Variants in PSMD4 observed in about 807,000 individuals in gnomAD.
PSMD4 encodes 26S proteasome non-ATPase regulatory subunit 4.
A neutral mutation model predicts 39.7 loss-of-function variants in PSMD4; 5 were observed. The ratio of observed to expected loss-of-function variants is 0.13; its 90% CI spans 0.07 to 0.26. The LOEUF (loss-of-function observed/expected upper bound fraction) is 0.26, where lower values mean the gene tolerates loss of function less well. PSMD4 is among the 10% of genes least tolerant of loss of function. PSMD4 has a pLI of 1.00. For missense variants in PSMD4, 272 were observed against 486.1 expected, an observed-to-expected ratio of 0.56 and a Z score of 4.14; for synonymous variants, 143 against 174.6, an observed-to-expected ratio of 0.82 and a Z score of 1.43.
At chr1:151,260,660 C>T (rs1402168582) in intron 1 of PSMD4, among the ~76,000 whole-genome samples, 2 of 151,810 alleles carry the variant, frequency 1.3e-5, no homozygotes, top group African/African-American at 2.4e-5. Flanking sequence ...CTCAGCCACC[C>T]GAATAGCTGG....
rs769270518 is a variant in PSMD4, at chr1:151,267,173, G to A, written c.964G>A (p.Glu322Lys). The change falls in exon 10 of 10, where the codon GAG becomes AAG. Residue 322 changes from glutamate to lysine, a missense_variant and splice_region_variant. Glu to Lys is a moderately conservative substitution (Grantham distance 56, BLOSUM62 1). Coordinates refer to ENST00000368884, the MANE Select transcript of PSMD4 (RefSeq NM_002810.4). The stretch of plus-strand genomic sequence containing the variant: ...TTGAGCTCACACTGCCTGTTTGCAG[G>A]AGGAGGATGATTACGACGTGATGCA... ...SAMDTSEPAK[E>K]EDDYDVMQDP... 1.9e-6 allele frequency: 3 copies of A among 1,613,854 alleles called. No individual in the cohort carries two copies. Among genetic ancestry groups the A allele is most frequent in the Non-Finnish European group, 2.5e-6 (3 of 1,179,798 alleles).
chr1:151,262,140 C>T (rs1378410051), intron 1 of PSMD4, 21 bp from the exon 2 acceptor site: 1 of 1,613,826 alleles, frequency 6.2e-7, no homozygotes, highest in African/African-American at 1.3e-5. Flanking sequence ...TCTCTCTTGT[C>T]CTTCAACCCT....
intron 1 of PSMD4, among the ~76,000 whole-genome samples, chr1:151,261,663 T>A (rs1316614940): frequency 6.6e-6 from 1 of 152,056 alleles, no homozygotes; most frequent in Non-Finnish European, 1.5e-5. Flanking sequence ...GATTTAAAAA[T>A]TTTTTCGGCT....
chr1:151,260,636 G>A (rs1034075157), intron 1 of PSMD4, among the ~76,000 whole-genome samples: 1 of 151,932 alleles, frequency 6.6e-6, no homozygotes, highest in Non-Finnish European at 1.5e-5. Flanking sequence ...CTCAGGTTCA[G>A]GTGATTCTCC....
intron 1 of PSMD4, among the ~76,000 whole-genome samples, chr1:151,256,433 CTT>C (rs1296037370): frequency 1.4e-5 from 2 of 138,936 alleles, no homozygotes; most frequent in African/African-American, 2.6e-5. Context: ...CCTTTGCCCA[CTT>C]TTTTTTTTTT....
intron 1 of PSMD4, 48 bp from the exon 2 acceptor site, chr1:151,262,113 A>C (rs776801950): frequency 2.5e-6 from 4 of 1,608,808 alleles, no homozygotes; most frequent in Non-Finnish European, 3.4e-6. Flanking sequence ...AAGGTTTTGG[A>C]AAACTTCTAC....
rs201818979 is a variant in PSMD4 at position 151,265,120 on chromosome 1, C to G, written c.370-46C>G. 9.1e-5 allele frequency: 132 copies of G among 1,458,346 alleles called. No individual in the cohort carries two copies. The African/African-American group carries it at 1.6e-3, about 17-fold the overall frequency. 90.3% of individuals were successfully genotyped at this position (1,458,346 alleles called of 1,614,324 possible). Reference sequence around the variant, plus strand: ...TTTATGCGGCGGGTCCTTTCCCCCCCTCGAGTATGGAACAGATTTCTTGAT... The same window carrying G: ...TTTATGCGGCGGGTCCTTTCCCCCCGTCGAGTATGGAACAGATTTCTTGAT... On this transcript the variant is annotated intron_variant, in intron 4 of 9. Coordinates refer to ENST00000368884, the MANE Select transcript of PSMD4 (RefSeq NM_002810.4).
chr1:151,266,828 C>G, intron 9 of PSMD4: 1 of 728,072 alleles, frequency 1.4e-6, no homozygotes. Context: ...GGGCAGTTCT[C>G]TAGGATGTCT....
intron 1 of PSMD4, among the ~76,000 whole-genome samples, chr1:151,256,545 TCTC>T (rs1425651772): frequency 6.7e-6 from 1 of 150,026 alleles, no homozygotes; most frequent in East Asian, 2.0e-4. Flanking sequence ...TTCAAGTGAT[TCTC>T]CTGCCTCAGC....
chr1:151,262,223 A>G lies in PSMD4; in HGVS notation c.89A>G (p.Gln30Arg). ...TTACCCACCAGGCTGCAGGCCCAGC[A>G]GGATGCTGTCAACATAGTTTGTCAT... ...DFLPTRLQAQ[Q>R]DAVNIVCHSK... The change falls in exon 2 of 10, where the codon CAG becomes CGG. Residue 30 changes from glutamine (Q) to arginine (R), a missense_variant. Coordinates refer to ENST00000368884, the MANE Select transcript of PSMD4 (RefSeq NM_002810.4). The G allele has an allele frequency of 6.2e-7, 1 of 1,614,240 alleles. No individual in the cohort carries two copies. The highest frequency in any genetic ancestry group is 8.5e-7 in the Non-Finnish European group (1 of 1,180,048).
intron 1 of PSMD4, among the ~76,000 whole-genome samples, chr1:151,257,954 G>A (rs112766034): frequency 0.13 from 20,328 of 151,768 alleles, 1,849 homozygotes; most frequent in Non-Finnish European, 0.2. Flanking sequence ...TTATTTGAGC[G>A]GTATTTTGTA....
chr1:151,263,324 C>G (rs924729128), intron 2 of PSMD4, among the ~76,000 whole-genome samples: 1 of 151,976 alleles, frequency 6.6e-6, no homozygotes, highest in Admixed American at 6.6e-5. Flanking sequence ...ATTAGCCGGG[C>G]GTGGTGGTGT....
intron 7 of PSMD4, 39 bp downstream of exon 7, chr1:151,266,151 T>C (rs1341172762): frequency 6.3e-7 from 1 of 1,590,790 alleles, no homozygotes; most frequent in African/African-American, 1.3e-5. Context: ...GACTGCGGGA[T>C]GCTAAACATT....
chr1:151,265,908 C>T (rs1693438633), intron 6 of PSMD4, 96 bp from the exon 7 acceptor site: 3 of 1,430,914 alleles, frequency 2.1e-6, no homozygotes, highest in Non-Finnish European at 1.9e-6. Flanking sequence ...CCAGAAGCTG[C>T]CCCTTTATGT....
intron 6 of PSMD4, 145 bp downstream of exon 6, chr1:151,265,754 C>T (rs919872672): frequency 5.2e-6 from 5 of 966,684 alleles, no homozygotes; most frequent in East Asian, 2.6e-5. Context: ...CCGCCTCTTC[C>T]CTATAATGCT....
At position 151,265,990 on chromosome 1, in the gene PSMD4, C is replaced by T; in HGVS notation, c.655-14C>T. 1 of 1,570,352 alleles carries T rather than the reference C, an allele frequency of 6.4e-7. No homozygotes were observed. Among genetic ancestry groups the T allele is most frequent in the Non-Finnish European group, 8.6e-7 (1 of 1,158,314 alleles). ...AGGGCAGGGGAGCCCTGATTATGCCCTGCCCTTCACCAGGCCCTTCGTGTA... is the reference window on the plus strand; with the variant it reads ...AGGGCAGGGGAGCCCTGATTATGCCTTGCCCTTCACCAGGCCCTTCGTGTA... On this transcript the variant is annotated splice_polypyrimidine_tract_variant and intron_variant, in intron 6 of 9. Transcript: ENST00000368884.
intron 1 of PSMD4, among the ~76,000 whole-genome samples, chr1:151,260,378 C>T (rs1378686369): frequency 6.6e-6 from 1 of 152,252 alleles, no homozygotes; most frequent in East Asian, 1.9e-4. Context: ...CTTTGGGAAA[C>T]TCGAGATTAT....
intron 1 of PSMD4, among the ~76,000 whole-genome samples, chr1:151,260,482 A>C (rs1446704099): frequency 6.6e-6 from 1 of 152,194 alleles, no homozygotes; most frequent in Non-Finnish European, 1.5e-5. Context: ...TTTACCGTTC[A>C]GTTCAGCTGT....
At chr1:151,261,735 C>G (rs587722246) in intron 1 of PSMD4, among the ~76,000 whole-genome samples, 1 of 152,008 alleles carries the variant, frequency 6.6e-6, no homozygotes, top group Non-Finnish European at 1.5e-5. Flanking sequence ...AGGAGGATCT[C>G]TTGAGCTCAG....
Sources: allele counts gnomAD v4.1 joint callset (sites outside exome capture counted in the v4.1 genomes callset), GRCh38; gene constraint gnomAD v4.1.1; transcripts MANE v1.5; gene names NCBI Gene and HGNC (gene_info 2026-07-23, HGNC 2026-07-21).